The following PHACTR4 variants were observed in gnomAD, a reference collection of about 807,000 sequenced individuals.
The protein encoded by PHACTR4 is phosphatase and actin regulator 4.
Under a neutral mutation model 72.7 loss-of-function variants are expected in PHACTR4, and 51 were observed. The ratio of observed to expected loss-of-function variants is 0.70; its 90% CI spans 0.56 to 0.89. PHACTR4 has a LOEUF of 0.89. Among genes scored for constraint, PHACTR4 ranks in the 40% least tolerant of loss-of-function variants. The probability of loss-of-function intolerance (pLI) is 0.00; values close to 1 mark genes in which losing one functional copy is unlikely to be tolerated. For synonymous variants in PHACTR4, 255 were observed against 302.5 expected (o/e 0.84, Z 1.63); for missense variants, 731 against 861.8 (o/e 0.85, Z 1.90).
At chr1:28,400,713 A>G (rs1653879691) in intron 1 of PHACTR4, among the ~76,000 whole-genome samples, 2 of 151,948 alleles carry the variant, frequency 1.3e-5, no homozygotes, top group Non-Finnish European at 2.9e-5. Flanking sequence ...CAGAGTAGCC[A>G]GGACTACAGG....
intron 10 of PHACTR4, 152 bp downstream of exon 10, chr1:28,489,377 G>C: frequency 6.3e-6 from 4 of 630,604 alleles, no homozygotes; most frequent in Non-Finnish European, 1.1e-5. Flanking sequence ...TGAAGGAACA[G>C]AGCTTACCAA....
intron 6 of PHACTR4, among the ~76,000 whole-genome samples, chr1:28,467,956 A>G (rs61785966): frequency 6.6e-6 from 1 of 152,046 alleles, no homozygotes; most frequent in Non-Finnish European, 1.5e-5. Context: ...AGGAAAAATG[A>G]TACTAGGCTT....
chr1:28,454,433 C>T (rs1218657380), intron 2 of PHACTR4, among the ~76,000 whole-genome samples: 5 of 151,710 alleles, frequency 3.3e-5, no homozygotes, highest in African/African-American at 4.8e-5. Flanking sequence ...CCCGCCACTG[C>T]GCCCGGCTAA....
At chr1:28,370,670 C>G (rs1255349701) in intron 1 of PHACTR4, among the ~76,000 whole-genome samples, 1 of 151,366 alleles carries the variant, frequency 6.6e-6, no homozygotes, top group Non-Finnish European at 1.5e-5. Context: ...TCCTTCCAAC[C>G]TCTTCCTTTT....
At chr1:28,448,919 G>A (rs1657724390) in intron 2 of PHACTR4, among the ~76,000 whole-genome samples, 1 of 151,804 alleles carries the variant, frequency 6.6e-6, no homozygotes, top group South Asian at 2.1e-4. Context: ...AGAGGCTGAG[G>A]CAGGAGGATT....
intron 1 of PHACTR4, among the ~76,000 whole-genome samples, chr1:28,402,764 A>T (rs1654033706): frequency 6.6e-6 from 1 of 152,162 alleles, no homozygotes; most frequent in African/African-American, 2.4e-5. Context: ...TCCTCTGCAA[A>T]AACTACACAG....
chr1:28,475,729 C>CTTTTTTTTTTTTTTTTTTTTTT (rs71672836), intron 7 of PHACTR4, among the ~76,000 whole-genome samples: 2 of 135,290 alleles, frequency 1.5e-5, no homozygotes, highest in African/African-American at 2.9e-5. Flanking sequence ...AGTCCTTTGT[C>CTTTTTTTTTTTTTTTTTTTTTT]TTTTTTTTTT....
At chr1:28,407,576 G>T in intron 2 of PHACTR4, 113 bp downstream of exon 2, 1 of 785,822 alleles carries the variant, frequency 1.3e-6, no homozygotes, top group South Asian at 2.1e-5. Flanking sequence ...CTACTCTCTA[G>T]AATAATGGGT....
intron 1 of PHACTR4, among the ~76,000 whole-genome samples, chr1:28,376,350 C>T (rs1651669772): frequency 6.6e-6 from 1 of 151,038 alleles, no homozygotes; most frequent in Non-Finnish European, 1.5e-5. Flanking sequence ...CTTACTCTGT[C>T]ACCTAGGCTG....
intron 1 of PHACTR4, among the ~76,000 whole-genome samples, chr1:28,373,019 A>G (rs1651359977): frequency 6.6e-6 from 1 of 152,040 alleles, no homozygotes; most frequent in Non-Finnish European, 1.5e-5. Flanking sequence ...GTAAAATGCT[A>G]TGATCATGGC....
intron 1 of PHACTR4, among the ~76,000 whole-genome samples, chr1:28,383,381 A>G (rs1259463133): frequency 6.6e-6 from 1 of 151,876 alleles, no homozygotes; most frequent in African/African-American, 2.4e-5. Flanking sequence ...TTCTAGTTTT[A>G]TGAAGAATGT....
chr1:28,464,044 C>CTTTTTT (rs74771369), intron 4 of PHACTR4, among the ~76,000 whole-genome samples: 1 of 131,356 alleles, frequency 7.6e-6, no homozygotes, highest in African/African-American at 2.9e-5. Flanking sequence ...ATAACCATTT[C>CTTTTTT]TTTTTTTTTT....
intron 7 of PHACTR4, among the ~76,000 whole-genome samples, chr1:28,474,726 G>A (rs1659811287): frequency 6.6e-6 from 1 of 150,816 alleles, no homozygotes; most frequent in Non-Finnish European, 1.5e-5. Flanking sequence ...TATTTTTAGT[G>A]GAGATGGGGT....
chr1:28,466,271 A>G, intron 5 of PHACTR4, 111 bp from the exon 6 acceptor site: 2 of 1,227,510 alleles, frequency 1.6e-6, no homozygotes, highest in South Asian at 2.9e-5. Flanking sequence ...CCTATAAGCT[A>G]ATCTATAAAT....
intron 2 of PHACTR4, among the ~76,000 whole-genome samples, chr1:28,440,186 C>A (rs1656906240): frequency 6.6e-6 from 1 of 150,578 alleles, no homozygotes; most frequent in Non-Finnish European, 1.5e-5. Context: ...CCTGTAGCCC[C>A]AGCTACTCGG....
Position 28,466,702 on chromosome 1 carries a change from G to A in PHACTR4, c.757G>A (p.Val253Ile). ...TTATPSLTHM[V>I]PAKQPPIPPP... is the part of the protein sequence containing the mutation. ...TGCTACCCCAAGCCTCACTCATATG[G>A]TCCCTGCCAAGCAGCCCCCTATCCC... The change falls in exon 6 of 14, where the codon GTC becomes ATC. Residue 253 changes from valine (V) to isoleucine (I), a missense_variant. Coordinates refer to ENST00000373839, the MANE Select transcript of PHACTR4 (RefSeq NM_001048183.3). 6.2e-7 allele frequency: 1 copy of A among 1,613,958 alleles called. No homozygotes were observed. Among genetic ancestry groups the A allele is most frequent in the African/African-American group, 1.3e-5 (1 of 75,014 alleles).
At chr1:28,404,276 CTT>C (rs58454588) in intron 1 of PHACTR4, among the ~76,000 whole-genome samples, 7,082 of 101,024 alleles carry the variant, frequency 0.07, 336 homozygotes, top group African/African-American at 0.22. Flanking sequence ...TATGAACATC[CTT>C]TTTTTTTTTT....
At chr1:28,491,540 T>C in intron 11 of PHACTR4, 110 bp from the exon 12 acceptor site, 2 of 1,440,280 alleles carry the variant, frequency 1.4e-6, no homozygotes, top group South Asian at 1.2e-5. Flanking sequence ...TGTCTAAAGC[T>C]CCCCCAGGTG....
chr1:28,429,202 T>G (rs1033100921), intron 2 of PHACTR4, among the ~76,000 whole-genome samples: 5 of 152,196 alleles, frequency 3.3e-5, no homozygotes, highest in Non-Finnish European at 7.3e-5. Context: ...TTCAGCCTGT[T>G]CTTCAGGCTA....
Sources: gnomAD v4.1 joint callset for allele counts (sites outside exome capture counted in the v4.1 genomes callset) on GRCh38, gnomAD v4.1.1 for gene constraint, MANE v1.5 for transcripts, NCBI Gene and HGNC (gene_info 2026-07-23, HGNC 2026-07-21) for gene names.